The following CA10 variants were observed in gnomAD, a reference collection of about 807,000 sequenced individuals.
CA10 encodes the protein carbonic anhydrase 10 (inactive).
Under a neutral mutation model 44.2 loss-of-function variants are expected in CA10, and 14 were observed. That is an observed-to-expected ratio of 0.32 (90% CI 0.21 to 0.50). CA10 has a LOEUF of 0.50. CA10 is among the 20% of genes least tolerant of loss of function. The pLI is 0.99. For missense variants in CA10, 350 were observed against 409.7 expected (o/e 0.85, Z 1.26); for synonymous variants, 159 against 141.6 (o/e 1.12, Z -0.87).
chr17:51,965,540 A>G (rs908196140), intron 2 of CA10, among the ~76,000 whole-genome samples: 4 of 152,084 alleles, frequency 2.6e-5, no homozygotes, highest in Non-Finnish European at 4.4e-5. Flanking sequence ...TCTGAGATGC[A>G]AGGTTGGTTC....
Position 51,907,678 on chromosome 17 carries a change from C to T in CA10, c.279+23312G>A, listed in dbSNP as rs116130183. On this transcript the variant is annotated intron_variant, in intron 3 of 8. Coordinates refer to ENST00000451037, the MANE Select transcript of CA10 (RefSeq NM_020178.5). ...GCCCACAGTCAATGACTGACCTATA[C>T]ACCTGTCTAAAGATGAGGGTTCCCT... 1.9e-3 allele frequency among the ~76,000 whole-genome samples: 283 copies of T among 152,206 alleles called. 1 individual carries two copies. Among genetic ancestry groups the T allele is most frequent in the African/African-American group, 6.4e-3 (266 of 41,560 alleles).
intron 2 of CA10, among the ~76,000 whole-genome samples, chr17:52,011,701 TATG>T (rs1985801915): frequency 6.6e-6 from 1 of 152,012 alleles, no homozygotes; most frequent in East Asian, 1.9e-4. Flanking sequence ...GGACGGCATG[TATG>T]ATAAGTGATA....
chr17:52,075,339 T>C (rs773709603), intron 1 of CA10, among the ~76,000 whole-genome samples: 2 of 152,170 alleles, frequency 1.3e-5, no homozygotes, highest in South Asian at 2.1e-4. Flanking sequence ...GATTCCAGAA[T>C]CCACAAGTGG....
chr17:51,932,372 T>G (rs1454118130), intron 2 of CA10, among the ~76,000 whole-genome samples: 1 of 152,108 alleles, frequency 6.6e-6, no homozygotes, highest in Non-Finnish European at 1.5e-5. Context: ...GCCTATAGCA[T>G]AGATGGAGAA....
chr17:52,015,119 TC>T (rs1330617577), intron 2 of CA10, among the ~76,000 whole-genome samples: 1 of 152,090 alleles, frequency 6.6e-6, no homozygotes, highest in Non-Finnish European at 1.5e-5. Context: ...AGTGTAGTGA[TC>T]CCTTCTAGTG....
intron 2 of CA10, among the ~76,000 whole-genome samples, chr17:52,053,506 A>C (rs1308168947): frequency 1.3e-5 from 2 of 152,134 alleles, no homozygotes; most frequent in Non-Finnish European, 2.9e-5. Flanking sequence ...AAACGGATAA[A>C]TAGAAAAAAT....
intron 3 of CA10, among the ~76,000 whole-genome samples, chr17:51,884,047 T>C (rs992883177): frequency 1.3e-5 from 2 of 152,182 alleles, no homozygotes; most frequent in African/African-American, 4.8e-5. Context: ...TGACCCTTCT[T>C]TTTTCTTTGC....
intron 4 of CA10, among the ~76,000 whole-genome samples, chr17:51,692,759 G>T (rs904326840): frequency 6.6e-6 from 1 of 152,174 alleles, no homozygotes; most frequent in African/African-American, 2.4e-5. Flanking sequence ...ATAAATATTT[G>T]TATGCAGGTT....
intron 2 of CA10, among the ~76,000 whole-genome samples, chr17:52,017,166 A>G (rs1360749275): frequency 2.0e-5 from 3 of 152,138 alleles, no homozygotes; most frequent in Non-Finnish European, 4.4e-5. Flanking sequence ...GCAGACTACC[A>G]CAGAAAATTC....
intron 3 of CA10, among the ~76,000 whole-genome samples, chr17:51,791,326 GATAAT>G (rs1046136659): frequency 2.0e-5 from 3 of 152,112 alleles, no homozygotes; most frequent in Non-Finnish European, 4.4e-5. Context: ...GCAATCAAAT[GATAAT>G]ATAACAAGGA....
At chr17:52,050,184 T>C (rs536714454) in intron 2 of CA10, among the ~76,000 whole-genome samples, 3 of 152,194 alleles carry the variant, frequency 2.0e-5, no homozygotes, top group Admixed American at 2.0e-4. Context: ...GTTTACCAAT[T>C]CAGACAATGG....
chr17:51,923,371 T>C (rs141141798), intron 3 of CA10, among the ~76,000 whole-genome samples: 8 of 152,296 alleles, frequency 5.3e-5, no homozygotes, highest in Admixed American at 1.3e-4. Context: ...ACCTCTTCCA[T>C]AAAGTCTTGT....
intron 4 of CA10, among the ~76,000 whole-genome samples, chr17:51,681,279 C>T (rs1914836615): frequency 6.6e-6 from 1 of 152,188 alleles, no homozygotes; most frequent in African/African-American, 2.4e-5. Flanking sequence ...TATTGGGGCC[C>T]TCAGGGGTGC....
At chr17:52,094,990 TGC>T (rs1258563854) in intron 1 of CA10, among the ~76,000 whole-genome samples, 8 of 152,176 alleles carry the variant, frequency 5.3e-5, no homozygotes, top group Non-Finnish European at 1.0e-4. Flanking sequence ...AAAATATTAG[TGC>T]GCATGTCTAC....
intron 2 of CA10, among the ~76,000 whole-genome samples, chr17:51,972,618 G>C (rs1168666587): frequency 6.6e-6 from 1 of 152,072 alleles, no homozygotes; most frequent in Non-Finnish European, 1.5e-5. Context: ...ACAATGTACT[G>C]GGTGATCAAA....
chr17:52,121,794 C>A, intron 1 of CA10, among the ~76,000 whole-genome samples: 1 of 152,098 alleles, frequency 6.6e-6, no homozygotes, highest in Admixed American at 6.5e-5. Flanking sequence ...CAAAAGCAAG[C>A]CCGTCTCCCA....
intron 2 of CA10, among the ~76,000 whole-genome samples, chr17:52,068,531 T>C (rs1834619561): frequency 6.6e-6 from 1 of 152,240 alleles, no homozygotes; most frequent in African/African-American, 2.4e-5. Context: ...TCCTGAACCT[T>C]GTCAAGACCC....
intron 3 of CA10, among the ~76,000 whole-genome samples, chr17:51,923,866 C>T (rs577274953): frequency 2.6e-5 from 4 of 152,100 alleles, no homozygotes; most frequent in African/African-American, 7.2e-5. Flanking sequence ...TCCACCTAAA[C>T]GCATTTCTTG....
chr17:52,087,046 T>C (rs143926009), intron 1 of CA10, among the ~76,000 whole-genome samples: 81 of 152,318 alleles, frequency 5.3e-4, no homozygotes, highest in African/African-American at 1.9e-3. Context: ...TTACTCACCA[T>C]TTGCCAGCCA....
Sources: allele counts gnomAD v4.1 joint callset (sites outside exome capture counted in the v4.1 genomes callset), GRCh38; gene constraint gnomAD v4.1.1; transcripts MANE v1.5; gene names NCBI Gene and HGNC (gene_info 2026-07-23, HGNC 2026-07-21).